Variants in SHTN1 observed in about 807,000 individuals in gnomAD.
SHTN1 encodes shootin-1.
Under a neutral mutation model 83.1 loss-of-function variants are expected in SHTN1, and 42 were observed. That is an observed-to-expected ratio of 0.51 (90% CI 0.39 to 0.65). The LOEUF (loss-of-function observed/expected upper bound fraction) is 0.65, where lower values mean the gene tolerates loss of function less well. Ranked by LOEUF, SHTN1 falls within the 30% of genes least tolerant of loss-of-function variation. The probability of loss-of-function intolerance (pLI) is 0.00; values close to 1 mark genes in which losing one functional copy is unlikely to be tolerated. For synonymous variants in SHTN1, 224 were observed against 247.7 expected, an observed-to-expected ratio of 0.90 and a Z score of 0.90; for missense variants, 622 against 737.8, an observed-to-expected ratio of 0.84 and a Z score of 1.82.
chr10:116,971,525 T>C (rs1428439756), intron 2 of SHTN1, among the ~76,000 whole-genome samples: 2 of 152,126 alleles, frequency 1.3e-5, no homozygotes, highest in Non-Finnish European at 1.5e-5. Context: ...GTTTCAGGAA[T>C]GTTCCTCTCA....
intron 3 of SHTN1, among the ~76,000 whole-genome samples, chr10:116,966,018 GTTTT>G (rs1200272423): frequency 6.6e-6 from 1 of 151,604 alleles, no homozygotes; most frequent in African/African-American, 2.4e-5. Context: ...TTTTTTTGGG[GTTTT>G]TTTGAGACGG....
At chr10:116,904,048 G>A (rs1321592509) in intron 15 of SHTN1, among the ~76,000 whole-genome samples, 2 of 152,150 alleles carry the variant, frequency 1.3e-5, no homozygotes, top group Non-Finnish European at 2.9e-5. Context: ...TGTCCCTGGG[G>A]CAGATAACCA....
intron 16 of SHTN1, 135 bp from the exon 17 acceptor site, chr10:116,886,701 G>A (rs1847175805): frequency 5.0e-6 from 6 of 1,189,006 alleles, no homozygotes; most frequent in Non-Finnish European, 7.0e-6. Context: ...TAGTCTTTGA[G>A]ATGCCAGCCA....
intron 5 of SHTN1, among the ~76,000 whole-genome samples, chr10:116,953,622 T>TG (rs1564895124): frequency 8.0e-6 from 1 of 124,444 alleles, no homozygotes; most frequent in Admixed American, 9.1e-5. Context: ...TTTTGTGTTT[T>TG]GTTTTTTTTT....
intron 1 of SHTN1, among the ~76,000 whole-genome samples, chr10:117,071,710 C>A (rs1204380011): frequency 6.6e-6 from 1 of 152,054 alleles, no homozygotes; most frequent in Non-Finnish European, 1.5e-5. Context: ...TAACAGTCTA[C>A]TAGGCTGCCA....
At chr10:116,912,822 C>T (rs185481014) in intron 13 of SHTN1, among the ~76,000 whole-genome samples, 1 of 152,124 alleles carries the variant, frequency 6.6e-6, no homozygotes, top group Admixed American at 6.5e-5. Flanking sequence ...TATTCTCTCT[C>T]ATCAAAAAAA....
chr10:116,991,184 T>C (rs1444504214), intron 1 of SHTN1, among the ~76,000 whole-genome samples: 1 of 149,688 alleles, frequency 6.7e-6, no homozygotes, highest in Non-Finnish European at 1.5e-5. Context: ...AGACTCCGTC[T>C]CAAAAAAGAA....
intron 1 of SHTN1, among the ~76,000 whole-genome samples, chr10:117,078,906 T>C (rs890742378): frequency 6.6e-6 from 1 of 152,204 alleles, no homozygotes; most frequent in African/African-American, 2.4e-5. Context: ...TTGTTTATAA[T>C]AGTCCATAAT....
chr10:116,952,231 A>G (rs1291003394), intron 5 of SHTN1, among the ~76,000 whole-genome samples: 2 of 152,208 alleles, frequency 1.3e-5, no homozygotes, highest in African/African-American at 2.4e-5. Flanking sequence ...ACCTCACTAC[A>G]TTAAATGTAC....
chr10:117,053,689 C>G (rs935509185), intron 1 of SHTN1, among the ~76,000 whole-genome samples: 1 of 152,264 alleles, frequency 6.6e-6, no homozygotes, highest in East Asian at 1.9e-4. Flanking sequence ...CTGTGGAAAA[C>G]AGTTTGGTAG....
chr10:117,060,791 A>G (rs903604996), intron 1 of SHTN1, among the ~76,000 whole-genome samples: 2 of 152,240 alleles, frequency 1.3e-5, no homozygotes, highest in Non-Finnish European at 2.9e-5. Flanking sequence ...TCATTCAGGA[A>G]TTAATGTTAC....
chr10:116,919,753 G>A (rs1401916760), intron 12 of SHTN1, among the ~76,000 whole-genome samples: 1 of 152,210 alleles, frequency 6.6e-6, no homozygotes, highest in East Asian at 1.9e-4. Flanking sequence ...AGGCGGAATT[G>A]CTTCAGAATC....
chr10:116,970,991 T>C (rs1850597035), intron 2 of SHTN1, among the ~76,000 whole-genome samples: 1 of 152,202 alleles, frequency 6.6e-6, no homozygotes, highest in African/African-American at 2.4e-5. Flanking sequence ...ATAACAGTTC[T>C]GTGCAATGGG....
intron 1 of SHTN1, among the ~76,000 whole-genome samples, chr10:117,102,217 C>CGAA (rs1307399987): frequency 1.3e-5 from 2 of 152,086 alleles, no homozygotes; most frequent in African/African-American, 4.8e-5. Flanking sequence ...GAGGAACTCA[C>CGAA]GAAGGACTCA....
chr10:117,009,091 G>T (rs984000608), upstream of SHTN1, among the ~76,000 whole-genome samples: 1 of 151,904 alleles, frequency 6.6e-6, no homozygotes, highest in Non-Finnish European at 1.5e-5. Context: ...CTCCAGCCTG[G>T]GCAACAAGAG....
At chr10:116,923,070 T>C (rs554968574) in intron 11 of SHTN1, among the ~76,000 whole-genome samples, 1 of 152,202 alleles carries the variant, frequency 6.6e-6, no homozygotes, top group Non-Finnish European at 1.5e-5. Context: ...GCCATACAGA[T>C]ATTTACAATA....
chr10:117,040,942 TTTATC>T (rs1852575278), intron 2 of SHTN1, among the ~76,000 whole-genome samples: 1 of 151,852 alleles, frequency 6.6e-6, no homozygotes, highest in Non-Finnish European at 1.5e-5. Context: ...TTTATTTTAT[TTTATC>T]TTAAAATTTT....
intron 1 of SHTN1, among the ~76,000 whole-genome samples, chr10:117,093,528 A>T (rs1853463397): frequency 6.6e-6 from 1 of 152,152 alleles, no homozygotes; most frequent in Non-Finnish European, 1.5e-5. Flanking sequence ...AACACAACAC[A>T]ACTAAACAAA....
intron 9 of SHTN1, among the ~76,000 whole-genome samples, chr10:116,939,876 T>TCACCTA (rs1849306179): frequency 6.6e-6 from 1 of 152,174 alleles, no homozygotes; most frequent in African/African-American, 2.4e-5. Context: ...GCTTCTCCTC[T>TCACCTA]CACCTACCAC....
Sources: gnomAD v4.1 joint callset for allele counts (sites outside exome capture counted in the v4.1 genomes callset) on GRCh38, gnomAD v4.1.1 for gene constraint, MANE v1.5 for transcripts, NCBI Gene and HGNC (gene_info 2026-07-23, HGNC 2026-07-21) for gene names.